The following DYDC1 variants were observed in gnomAD, a reference collection of about 807,000 sequenced individuals.
DYDC1 encodes the protein DPY30 domain-containing protein 1.
Under a neutral mutation model 27.9 loss-of-function variants are expected in DYDC1, and 21 were observed. The observed-to-expected ratio is 0.75, with a 90% CI of 0.53 to 1.08. The LOEUF (loss-of-function observed/expected upper bound fraction) is 1.08, where lower values mean the gene tolerates loss of function less well. DYDC1 is among the 50% of genes least tolerant of loss of function. The pLI, the probability that DYDC1 is intolerant of heterozygous loss-of-function variation, is 0.00. For missense variants in DYDC1, 202 were observed against 205.9 expected (o/e 0.98, Z 0.12); for synonymous variants, 67 against 65.8 (o/e 1.02, Z -0.09).
intron 3 of DYDC1, among the ~76,000 whole-genome samples, chr10:80,346,755 C>T (rs111442768): frequency 0.07 from 10,582 of 151,852 alleles, 867 homozygotes; most frequent in African/African-American, 0.18. Context: ...CCACTGCCCC[C>T]GGCCATGTCT....
intron 3 of DYDC1, 44 bp downstream of exon 3, chr10:80,351,857 C>A: frequency 6.4e-7 from 1 of 1,570,836 alleles, no homozygotes; most frequent in Non-Finnish European, 8.7e-7. Context: ...CTGAGGTTGG[C>A]ATCGTTAATT....
intron 3 of DYDC1, among the ~76,000 whole-genome samples, chr10:80,347,139 T>G (rs1435812744): frequency 6.6e-6 from 1 of 151,686 alleles, no homozygotes; most frequent in Non-Finnish European, 1.5e-5. Flanking sequence ...CTCATAGTGG[T>G]TTTGATTTGC....
intron 4 of DYDC1, among the ~76,000 whole-genome samples, chr10:80,341,915 TC>T (rs1255930742): frequency 3.3e-5 from 5 of 151,462 alleles, no homozygotes; most frequent in Non-Finnish European, 5.9e-5. Context: ...TTCCAGCTAC[TC>T]GGGAGGCTGA....
intron 6 of DYDC1, 84 bp from the exon 7 acceptor site, chr10:80,336,269 A>G: frequency 1.4e-6 from 2 of 1,468,508 alleles, no homozygotes; most frequent in Non-Finnish European, 1.8e-6. Flanking sequence ...ACTTTAGGTA[A>G]CTTCTATGTG....
intron 1 of DYDC1, chr10:80,356,445 C>T: frequency 4.1e-6 from 4 of 985,326 alleles, no homozygotes; most frequent in Non-Finnish European, 4.8e-6. Flanking sequence ...CTGGCAACCT[C>T]CCGGGGCGCT....
At chr10:80,352,033 C>A (rs1843019783) in intron 2 of DYDC1, 31 bp from the exon 3 acceptor site, 2 of 1,603,018 alleles carry the variant, frequency 1.2e-6, no homozygotes, top group African/African-American at 2.7e-5. Flanking sequence ...CAGCACACGA[C>A]TTCTTAGCGA....
intron 3 of DYDC1, among the ~76,000 whole-genome samples, chr10:80,347,831 T>C (rs1364673548): frequency 6.6e-6 from 1 of 152,258 alleles, no homozygotes; most frequent in African/African-American, 2.4e-5. Flanking sequence ...TTTATGCCAA[T>C]ACCATACTGT....
In DYDC1 at chr10:80,352,539, C is replaced by T. The variant is rs746925322; in HGVS notation, c.63G>A (p.Val21=). 79 of 1,613,506 alleles carry T rather than the reference C, an allele frequency of 4.9e-5. No individual in the cohort carries two copies. The highest frequency in any genetic ancestry group is 2.5e-4 in the East Asian group (11 of 44,856). Reference sequence around the variant, plus strand: ...TCGGATCCACTGGGCGAACTCTTGCCACTTCTGCAAGACCTTGAGTTAAAC... The same window carrying T: ...TCGGATCCACTGGGCGAACTCTTGCTACTTCTGCAAGACCTTGAGTTAAAC... ...GACLTQGLAE[V]ARVRPVDPIE... is the part of the protein sequence containing the mutation. Residue 21 remains valine (V), a synonymous_variant, in exon 2 of 7, where the codon GTG becomes GTA. Transcript: ENST00000372202.
intron 6 of DYDC1, chr10:80,337,390 T>C (rs1215576398): frequency 3.0e-6 from 3 of 985,376 alleles, no homozygotes; most frequent in Non-Finnish European, 3.6e-6. Context: ...CTCCATTTTC[T>C]GAACAGCTCT....
At chr10:80,354,209 G>A (rs527761530) in intron 1 of DYDC1, among the ~76,000 whole-genome samples, 9 of 151,122 alleles carry the variant, frequency 6.0e-5, no homozygotes, top group African/African-American at 1.2e-4. Context: ...AATATTTGCC[G>A]GGCACAGTGG....
At chr10:80,348,978 G>C (rs1842827121) in intron 3 of DYDC1, among the ~76,000 whole-genome samples, 1 of 152,002 alleles carries the variant, frequency 6.6e-6, no homozygotes, top group African/African-American at 2.4e-5. Context: ...TGCAAGCTCC[G>C]CCTCCTGGGT....
At chr10:80,339,671 A>G (rs1252956001) in intron 4 of DYDC1, among the ~76,000 whole-genome samples, 2 of 152,174 alleles carry the variant, frequency 1.3e-5, no homozygotes, top group Non-Finnish European at 2.9e-5. Flanking sequence ...CCTCTTTCTG[A>G]ATGTGAAACA....
intron 6 of DYDC1, 125 bp from the exon 7 acceptor site, chr10:80,336,310 AGAT>A (rs1330850431): frequency 7.3e-7 from 1 of 1,377,026 alleles, no homozygotes; most frequent in Non-Finnish European, 9.3e-7. Context: ...TGGGAGTTTC[AGAT>A]GATTTCAAAT....
chr10:80,352,324 T>C (rs1214635768), intron 2 of DYDC1, 131 bp downstream of exon 2: 1 of 1,275,934 alleles, frequency 7.8e-7, no homozygotes, highest in Non-Finnish European at 1.0e-6. Context: ...CTGCTTTTCA[T>C]GTTGTTCAAG....
intron 3 of DYDC1, among the ~76,000 whole-genome samples, chr10:80,349,620 G>A (rs1842871328): frequency 6.6e-6 from 1 of 152,192 alleles, no homozygotes; most frequent in African/African-American, 2.4e-5. Context: ...CTGAAACGCA[G>A]AAACAGTTTC....
At chr10:80,349,118 C>T (rs533333302) in intron 3 of DYDC1, among the ~76,000 whole-genome samples, 1 of 152,276 alleles carries the variant, frequency 6.6e-6, no homozygotes, top group Admixed American at 6.5e-5. Context: ...GTCTCGATCT[C>T]CTGACCCTGT....
chr10:80,339,728 T>G (rs1373554446), intron 4 of DYDC1, among the ~76,000 whole-genome samples: 1 of 152,226 alleles, frequency 6.6e-6, no homozygotes, highest in East Asian at 1.9e-4. Context: ...CTTTTCATTC[T>G]AAAGCAGCAG....
intron 6 of DYDC1, chr10:80,338,104 C>T (rs1842192211): frequency 1.0e-6 from 1 of 985,256 alleles, no homozygotes; most frequent in Non-Finnish European, 1.2e-6. Flanking sequence ...ACTGGAGAAG[C>T]ATGCATTCTC....
At chr10:80,347,357 C>T (rs1036079588) in intron 3 of DYDC1, among the ~76,000 whole-genome samples, 18 of 128,962 alleles carry the variant, frequency 1.4e-4, no homozygotes, top group Admixed American at 8.4e-4. Flanking sequence ...CCTTATCAGA[C>T]CTTATCAGAT....
Sources: allele counts gnomAD v4.1 joint callset (sites outside exome capture counted in the v4.1 genomes callset), GRCh38; gene constraint gnomAD v4.1.1; transcripts MANE v1.5; gene names NCBI Gene and HGNC (gene_info 2026-07-23, HGNC 2026-07-21).